The following DCC variants were observed in gnomAD, a reference collection of about 807,000 sequenced individuals.
The protein encoded by DCC is DCC netrin 1 receptor.
DCC carries 58 observed loss-of-function variants against 172.5 expected under a neutral mutation model. The observed-to-expected ratio is 0.34, with a 90% CI of 0.27 to 0.42. The LOEUF (loss-of-function observed/expected upper bound fraction) is 0.42. Ranked by LOEUF, DCC falls within the 10% of genes least tolerant of loss-of-function variation. The pLI is 1.00. For synonymous variants in DCC, 709 were observed against 644.5 expected (o/e 1.10, Z -1.52); for missense variants, 1,740 against 1,791.0 (o/e 0.97, Z 0.51).
chr18:52,904,481 G>A (rs984158594), intron 2 of DCC, among the ~76,000 whole-genome samples: 4 of 152,166 alleles, frequency 2.6e-5, no homozygotes, highest in Non-Finnish European at 4.4e-5. Flanking sequence ...TTTGACCCAG[G>A]TCATTTTACC....
Position 52,688,685 on chromosome 18 carries a change from G to T in DCC, c.92-63369G>T, listed in dbSNP as rs372855927. 5.3e-5 allele frequency among the ~76,000 whole-genome samples: 8 copies of T among 151,950 alleles called. No homozygotes were observed. In the East Asian group the frequency reaches 7.8e-4, roughly 15 times the overall value. On this transcript the variant is annotated intron_variant, in intron 1 of 28. Coordinates refer to ENST00000442544, the MANE Select transcript of DCC (RefSeq NM_005215.4). ...AAGGGTAACTGTATGAAATGATGGA[G>T]ATCTTCATTTGCTTCACTATAGTAA...
intron 26 of DCC, among the ~76,000 whole-genome samples, chr18:53,493,258 T>C (rs913012304): frequency 6.6e-6 from 1 of 152,324 alleles, no homozygotes; most frequent in Middle Eastern, 3.4e-3. Context: ...TATACAATCA[T>C]GTCTTCTGCA....
intron 25 of DCC, among the ~76,000 whole-genome samples, chr18:53,472,390 T>C (rs971919672): frequency 6.6e-6 from 1 of 152,168 alleles, no homozygotes; most frequent in Non-Finnish European, 1.5e-5. Flanking sequence ...TATTGTCCTT[T>C]ATCTTTTATA....
At chr18:53,279,689 G>C (rs1429777174) in intron 12 of DCC, among the ~76,000 whole-genome samples, 3 of 148,614 alleles carry the variant, frequency 2.0e-5, no homozygotes, top group Non-Finnish European at 4.5e-5. Flanking sequence ...TAGGCTAAAT[G>C]CCCATCATTG....
At chr18:53,194,336 A>G (rs984724488) in intron 9 of DCC, among the ~76,000 whole-genome samples, 7 of 152,088 alleles carry the variant, frequency 4.6e-5, no homozygotes, top group Admixed American at 4.6e-4. Context: ...CTCGATGTGG[A>G]TTATTTATGA....
intron 1 of DCC, among the ~76,000 whole-genome samples, chr18:52,619,135 A>C (rs1410383901): frequency 6.6e-6 from 1 of 152,114 alleles, no homozygotes; most frequent in Non-Finnish European, 1.5e-5. Flanking sequence ...ACAAGGTTTC[A>C]CCATGTTGGC....
At chr18:52,594,186 G>A (rs2033861193) in intron 1 of DCC, among the ~76,000 whole-genome samples, 1 of 152,164 alleles carries the variant, frequency 6.6e-6, no homozygotes, top group Non-Finnish European at 1.5e-5. Flanking sequence ...TGGATATTTG[G>A]TAGAAACTTG....
chr18:52,789,666 A>G (rs1466455890), intron 2 of DCC, among the ~76,000 whole-genome samples: 1 of 152,176 alleles, frequency 6.6e-6, no homozygotes, highest in Non-Finnish European at 1.5e-5. Context: ...AGGTATTTTC[A>G]AAGTGGTGGT....
chr18:53,016,976 G>T (rs8083923), intron 5 of DCC, among the ~76,000 whole-genome samples: 21,002 of 151,962 alleles, frequency 0.14, 1,607 homozygotes, highest in East Asian at 0.22. Context: ...TTAACATGCG[G>T]CAGAGTACTT....
chr18:52,846,491 A>C (rs1324910886), intron 2 of DCC, among the ~76,000 whole-genome samples: 1 of 152,024 alleles, frequency 6.6e-6, no homozygotes, highest in African/African-American at 2.4e-5. Flanking sequence ...GTGAGCTGAA[A>C]TTGAGTCACT....
At chr18:52,888,137 G>A (rs2039595415) in intron 2 of DCC, among the ~76,000 whole-genome samples, 1 of 152,166 alleles carries the variant, frequency 6.6e-6, no homozygotes, top group Non-Finnish European at 1.5e-5. Flanking sequence ...TTAGCACTGA[G>A]CATGCCCTCC....
chr18:53,470,673 G>T (rs1001942843), intron 25 of DCC, among the ~76,000 whole-genome samples: 4 of 152,100 alleles, frequency 2.6e-5, no homozygotes, highest in South Asian at 2.1e-4. Context: ...TCAGAATCAT[G>T]GCGGAAGGTG....
intron 5 of DCC, among the ~76,000 whole-genome samples, chr18:52,958,482 A>G (rs2040784137): frequency 6.6e-6 from 1 of 152,266 alleles, no homozygotes; most frequent in Middle Eastern, 3.4e-3. Context: ...CCATATTTTC[A>G]AAAGATAATT....
At chr18:52,919,148 A>G (rs981859040) in intron 3 of DCC, among the ~76,000 whole-genome samples, 2 of 152,092 alleles carry the variant, frequency 1.3e-5, no homozygotes, top group African/African-American at 4.8e-5. Flanking sequence ...CTAGACTTAC[A>G]TGGTAGTGTC....
intron 1 of DCC, among the ~76,000 whole-genome samples, chr18:52,674,734 C>T (rs926453301): frequency 2.0e-5 from 3 of 152,210 alleles, no homozygotes; most frequent in African/African-American, 7.2e-5. Context: ...TCCACTGTAG[C>T]ATGTTGAAGC....
In DCC at chr18:53,293,136, T is replaced by C. The variant is rs73463066; in HGVS notation, c.1912-12442T>C. On this transcript the variant is annotated intron_variant, in intron 12 of 28. Transcript: ENST00000442544. ...GTAATACATACAATTGATGCTGCTA[T>C]ATAAATAATTTCTACTGTCACTTAG... is the stretch of plus-strand genomic sequence containing the variant. Among the ~76,000 whole-genome samples, 234 of 152,350 alleles carry C rather than the reference T, an allele frequency of 1.5e-3. 1 individual carries two copies. The highest frequency in any genetic ancestry group is 5.4e-3 in the African/African-American group (223 of 41,574).
At chr18:53,022,567 G>T (rs979974900) in intron 5 of DCC, among the ~76,000 whole-genome samples, 10 of 151,464 alleles carry the variant, frequency 6.6e-5, no homozygotes, top group African/African-American at 2.2e-4. Flanking sequence ...GTGTGTGTGT[G>T]TGTATCACTA....
At chr18:52,914,031 T>C (rs1405050161) in intron 3 of DCC, among the ~76,000 whole-genome samples, 1 of 152,096 alleles carries the variant, frequency 6.6e-6, no homozygotes, top group African/African-American at 2.4e-5. Flanking sequence ...TTTGGTTCAT[T>C]ATCAAACAAC....
At position 53,532,821 on chromosome 18, in the gene DCC, A is replaced by T. The variant is rs62098332; in HGVS notation, c.*2168A>T. On this transcript the variant is annotated 3_prime_UTR_variant, in exon 29 of 29. Transcript: ENST00000442544. ...ATCTATAGAATGAAGTTGACCAATT[A>T]AAAAAAAAAAAAAAACCTATCATTT... is the stretch of plus-strand genomic sequence containing the variant. 13 of 39,808 alleles carry T rather than the reference A, an allele frequency of 3.3e-4. No individual in the cohort carries two copies. Among genetic ancestry groups the T allele is most frequent in the East Asian group, 1.5e-3 (1 of 668 alleles). 2.5% of individuals were successfully genotyped at this position (39,808 alleles called of 1,614,324 possible).
Sources: allele counts gnomAD v4.1 joint callset (sites outside exome capture counted in the v4.1 genomes callset), GRCh38; gene constraint gnomAD v4.1.1; transcripts MANE v1.5; gene names NCBI Gene and HGNC (gene_info 2026-07-23, HGNC 2026-07-21).